The following TAFA5 variants were observed in gnomAD, a reference collection of about 807,000 sequenced individuals.
TAFA5 encodes the protein TAFA chemokine like family member 5.
In TAFA5, 6 loss-of-function variants were observed where a neutral mutation model predicts 15.3. The observed-to-expected ratio is 0.39, with a 90% CI of 0.21 to 0.77. TAFA5 has a LOEUF of 0.77. Ranked by LOEUF, TAFA5 falls within the 30% of genes least tolerant of loss-of-function variation. The pLI is 0.41. For missense variants in TAFA5, 161 were observed against 193.1 expected (o/e 0.83, Z 0.98); for synonymous variants, 103 against 80.7 (o/e 1.28, Z -1.48).
chr22:48,631,467 C>T (rs1443473822), intron 1 of TAFA5, among the ~76,000 whole-genome samples: 5 of 152,238 alleles, frequency 3.3e-5, no homozygotes, highest in Non-Finnish European at 7.3e-5. Flanking sequence ...CGCTGAGTGG[C>T]TCGCGTGGAT....
chr22:48,550,505 G>A lies in TAFA5; in HGVS notation c.112+60801G>A, dbSNP rs1313377083. 6.6e-6 allele frequency among the ~76,000 whole-genome samples: 1 copy of A among 152,194 alleles called. No homozygotes were observed. Among genetic ancestry groups the A allele is most frequent in the Non-Finnish European group, 1.5e-5 (1 of 68,026 alleles). On this transcript the variant is annotated intron_variant, in intron 1 of 3. Transcript: ENST00000402357. The surrounding 1 kb of genome is among the most constrained non-coding windows in gnomAD (Gnocchi z 4.1). ...GGCTTTGACCCCCACGGAGCCAGGT[G>A]CCCCTGGGAAATGCCGGCATTGTGT...
intron 1 of TAFA5, among the ~76,000 whole-genome samples, chr22:48,600,372 A>C (rs541323762): frequency 6.6e-6 from 1 of 152,324 alleles, no homozygotes; most frequent in East Asian, 1.9e-4. Context: ...GCGCAGGTCC[A>C]GCGGGGATCA....
chr22:48,535,969 G>A (rs143443222), intron 1 of TAFA5, among the ~76,000 whole-genome samples: 10 of 152,218 alleles, frequency 6.6e-5, no homozygotes, highest in South Asian at 4.1e-4. Context: ...ACAGGCACGC[G>A]TATGGGCACT....
chr22:48,663,511 C>T (rs1429134551), intron 2 of TAFA5, among the ~76,000 whole-genome samples: 1 of 152,228 alleles, frequency 6.6e-6, no homozygotes, highest in Non-Finnish European at 1.5e-5. Context: ...TCTCTATCAC[C>T]ACCTGGTGGC....
chr22:48,604,564 G>T (rs935406206), intron 1 of TAFA5, among the ~76,000 whole-genome samples: 3 of 152,226 alleles, frequency 2.0e-5, no homozygotes, highest in Admixed American at 6.5e-5. Context: ...CTGGGCTCTG[G>T]CTCTGATCCC....
At chr22:48,545,549 T>C (rs535275211) in intron 1 of TAFA5, 4 of 154,268 alleles carry the variant, frequency 2.6e-5, no homozygotes, top group African/African-American at 7.2e-5. Flanking sequence ...TTGGGTGTTA[T>C]GGAGCATCCT....
intron 1 of TAFA5, among the ~76,000 whole-genome samples, chr22:48,515,803 C>T (rs74662795): frequency 0.019 from 2,960 of 152,194 alleles, 114 homozygotes; most frequent in African/African-American, 0.067. Flanking sequence ...TGAAGCCACA[C>T]CTCAGAACAG....
At position 48,725,722 on chromosome 22, in the gene TAFA5, C is replaced by T. The variant is rs1184626416; in HGVS notation, c.390+17878C>T. ...AATCTTAAAACCAAGAGATAATTCA[C>T]AGAAAAAAAAAAAAAAAAGCAAGGA... On this transcript the variant is annotated intron_variant, in intron 3 of 3. Transcript: ENST00000402357. Among the ~76,000 whole-genome samples the T allele has an allele frequency of 6.0e-5, 5 of 82,976 alleles. No homozygotes were observed. In the Admixed American group the frequency reaches 6.2e-4, roughly 10 times the overall value. The allele number at this position is 82,976 out of a possible 152,430, so 54.4% of individuals were successfully genotyped here. A position where few individuals can be genotyped will look rare whatever the true frequency, so the allele number is the denominator to read the frequency against.
chr22:48,630,285 C>T (rs1342906670), intron 1 of TAFA5, among the ~76,000 whole-genome samples: 1 of 152,122 alleles, frequency 6.6e-6, no homozygotes, highest in Non-Finnish European at 1.5e-5. Context: ...CCCTGTTTGC[C>T]CCAAGTTACT....
chr22:48,586,762 A>G (rs1003582838), intron 1 of TAFA5, among the ~76,000 whole-genome samples: 5 of 152,210 alleles, frequency 3.3e-5, no homozygotes, highest in Non-Finnish European at 5.9e-5. Flanking sequence ...TCTTCCATGC[A>G]CAGTTGGGCG....
At chr22:48,668,892 G>A (rs1444570436) in intron 2 of TAFA5, among the ~76,000 whole-genome samples, 4 of 152,236 alleles carry the variant, frequency 2.6e-5, no homozygotes, top group Non-Finnish European at 4.4e-5. Flanking sequence ...GATTAATGAA[G>A]ATGAAAGGGC....
At chr22:48,695,689 T>C (rs985093468) in intron 2 of TAFA5, among the ~76,000 whole-genome samples, 4 of 152,136 alleles carry the variant, frequency 2.6e-5, no homozygotes, top group African/African-American at 9.7e-5. Flanking sequence ...TGTGTGGTTC[T>C]CAGGTTTGGG....
At chr22:48,664,387 T>C (rs1927543903) in intron 2 of TAFA5, among the ~76,000 whole-genome samples, 1 of 152,212 alleles carries the variant, frequency 6.6e-6, no homozygotes, top group African/African-American at 2.4e-5. Context: ...AGGCCATCTT[T>C]GATGACCCTT....
At chr22:48,520,888 CA>C (rs1002779474) in intron 1 of TAFA5, among the ~76,000 whole-genome samples, 363 of 152,192 alleles carry the variant, frequency 2.4e-3, no homozygotes, top group African/African-American at 8.1e-3. Context: ...GGGCCAGGGC[CA>C]GGGGGGGTCG....
At chr22:48,731,339 T>TC (rs765122894) in intron 3 of TAFA5, among the ~76,000 whole-genome samples, 167 of 152,330 alleles carry the variant, frequency 1.1e-3, no homozygotes, top group Non-Finnish European at 2.0e-3. Flanking sequence ...CAGTAAGTTC[T>TC]CCAGAAAATC....
chr22:48,528,602 T>C (rs1262845201), intron 1 of TAFA5, among the ~76,000 whole-genome samples: 1 of 152,216 alleles, frequency 6.6e-6, no homozygotes, highest in Non-Finnish European at 1.5e-5. Context: ...TGATGTGGCC[T>C]CGGGGACTGT....
chr22:48,507,801 G>A (rs894900304), intron 1 of TAFA5, among the ~76,000 whole-genome samples: 4 of 152,158 alleles, frequency 2.6e-5, no homozygotes, highest in African/African-American at 9.7e-5. Flanking sequence ...GGGAGCTGTC[G>A]GGATGGACAG....
chr22:48,538,553 C>G (rs1334545822), intron 1 of TAFA5, among the ~76,000 whole-genome samples: 1 of 152,248 alleles, frequency 6.6e-6, no homozygotes, highest in African/African-American at 2.4e-5. Context: ...GCCTGACAAG[C>G]AGTCCAGCTT....
At position 48,726,357 on chromosome 22, in the gene TAFA5, G is replaced by T. The variant is rs116304080; in HGVS notation, c.390+18513G>T. Among the ~76,000 whole-genome samples the T allele has an allele frequency of 6.0e-3, 912 of 152,300 alleles. 7 individuals are homozygous for T. Among genetic ancestry groups the T allele is most frequent in the African/African-American group, 0.021 (873 of 41,522 alleles). ...GCCAGCAAATGAGACCTGGAGGTGGGGGGCACTTACATACAGGGTAGAGAG... is the reference window on the plus strand; with the variant it reads ...GCCAGCAAATGAGACCTGGAGGTGGTGGGCACTTACATACAGGGTAGAGAG... On this transcript the variant is annotated intron_variant, in intron 3 of 3. Coordinates refer to ENST00000402357, the MANE Select transcript of TAFA5 (RefSeq NM_001082967.3).
Sources: gnomAD v4.1 joint callset for allele counts (sites outside exome capture counted in the v4.1 genomes callset) on GRCh38, gnomAD v4.1.1 for gene constraint, Gnocchi (gnomAD v3.1) non-coding constraint, MANE v1.5 for transcripts, NCBI Gene and HGNC (gene_info 2026-07-23, HGNC 2026-07-21) for gene names.